MYO1D: variants seen among roughly 807,000 people sequenced by gnomAD.
The protein encoded by MYO1D is myosin ID, also known as unconventional myosin-Id.
MYO1D carries 83 observed loss-of-function variants against 122.0 expected under a neutral mutation model. The observed-to-expected ratio is 0.68, with a 90% confidence interval of 0.57 to 0.82. The LOEUF is 0.82. Among genes scored for constraint, MYO1D ranks in the 40% least tolerant of loss-of-function variants. MYO1D has a pLI of 0.00. For missense variants in MYO1D, 1,157 were observed against 1,269.5 expected, an observed-to-expected ratio of 0.91 and a Z score of 1.35; for synonymous variants, 464 against 446.9, an observed-to-expected ratio of 1.04 and a Z score of -0.48.
intron 1 of MYO1D, among the ~76,000 whole-genome samples, chr17:32,823,044 C>A (rs1310472476): frequency 2.0e-5 from 3 of 152,148 alleles, no homozygotes; most frequent in East Asian, 3.9e-4. Context: ...GTAAAATTAT[C>A]ATGGTAAATA....
chr17:32,540,427 C>T (rs1424849092), intron 21 of MYO1D, among the ~76,000 whole-genome samples: 4 of 150,284 alleles, frequency 2.7e-5, no homozygotes, highest in Admixed American at 6.6e-5. Flanking sequence ...ATCTAGACTA[C>T]ATAAAGAACT....
chr17:32,777,280 AAAG>A (rs2090182746), intron 3 of MYO1D, among the ~76,000 whole-genome samples: 1 of 152,216 alleles, frequency 6.6e-6, no homozygotes, highest in Non-Finnish European at 1.5e-5. Flanking sequence ...AATATGATGA[AAAG>A]AAGAAAGGCT....
intron 19 of MYO1D, among the ~76,000 whole-genome samples, chr17:32,653,141 CAA>C (rs565131074): frequency 9.0e-6 from 1 of 111,020 alleles, no homozygotes; most frequent in Admixed American, 9.4e-5. Flanking sequence ...GACTCCGTCT[CAA>C]AAAAAAAAAA....
intron 16 of MYO1D, among the ~76,000 whole-genome samples, chr17:32,678,278 T>C (rs2088853210): frequency 6.6e-6 from 1 of 151,846 alleles, no homozygotes; most frequent in South Asian, 2.1e-4. Flanking sequence ...TTTATTATAC[T>C]TTACGTTTTA....
At chr17:32,732,501 C>T (rs150121713) in intron 14 of MYO1D, among the ~76,000 whole-genome samples, 16 of 152,174 alleles carry the variant, frequency 1.1e-4, no homozygotes, top group East Asian at 1.9e-4. Context: ...GATGATGGGA[C>T]GACCTGCCTG....
chr17:32,857,584 CAAAA>C (rs563112277), intron 1 of MYO1D, among the ~76,000 whole-genome samples: 2 of 107,826 alleles, frequency 1.9e-5, no homozygotes, highest in Non-Finnish European at 3.9e-5. Flanking sequence ...GACTCCACCT[CAAAA>C]AAAAAAAAAA....
intron 16 of MYO1D, among the ~76,000 whole-genome samples, chr17:32,694,054 C>A (rs2089139008): frequency 6.6e-6 from 1 of 152,138 alleles, no homozygotes; most frequent in Non-Finnish European, 1.5e-5. Context: ...GTGACTTGTA[C>A]ATAGTAATGC....
intron 21 of MYO1D, among the ~76,000 whole-genome samples, chr17:32,567,849 T>C (rs1413997412): frequency 6.6e-6 from 1 of 152,202 alleles, no homozygotes; most frequent in Non-Finnish European, 1.5e-5. Context: ...ACGAGGCCAC[T>C]GCTACAGGTT....
At chr17:32,871,758 T>C (rs1305157707) in intron 1 of MYO1D, among the ~76,000 whole-genome samples, 1 of 151,956 alleles carries the variant, frequency 6.6e-6, no homozygotes, top group Non-Finnish European at 1.5e-5. Context: ...TGGCTGAGAG[T>C]GAGGAGTGTG....
chr17:32,506,228 C>T (rs1375822543), intron 21 of MYO1D, among the ~76,000 whole-genome samples: 2 of 152,144 alleles, frequency 1.3e-5, no homozygotes. Flanking sequence ...AACAGGTCAC[C>T]ATATAAGCAA....
At chr17:32,632,616 CACACACACACATAT>C (rs1567919922) in intron 20 of MYO1D, 5 of 149,474 alleles carry the variant, frequency 3.3e-5, no homozygotes, top group African/African-American at 1.0e-4. Context: ...CACACACACA[CACACACACACATAT>C]ATATATATAT....
chr17:32,640,325 TTTTTC>T (rs2088177925), intron 19 of MYO1D, among the ~76,000 whole-genome samples: 1 of 152,080 alleles, frequency 6.6e-6, no homozygotes, highest in Non-Finnish European at 1.5e-5. Context: ...TTTCTTTCTT[TTTTTC>T]TTTTATTATT....
chr17:32,603,761 G>A (rs1234198048), intron 21 of MYO1D, among the ~76,000 whole-genome samples: 1 of 151,926 alleles, frequency 6.6e-6, no homozygotes. Context: ...TGCTGACCTC[G>A]TGATCCGCCC....
At chr17:32,536,619 C>T (rs1237567244) in intron 21 of MYO1D, among the ~76,000 whole-genome samples, 1 of 152,038 alleles carries the variant, frequency 6.6e-6, no homozygotes, top group African/African-American at 2.4e-5. Context: ...AAAGACAACG[C>T]CAATTAATTA....
At chr17:32,777,962 G>T (rs2090194769) in intron 3 of MYO1D, among the ~76,000 whole-genome samples, 2 of 152,080 alleles carry the variant, frequency 1.3e-5, no homozygotes, top group South Asian at 2.1e-4. Flanking sequence ...AATGAATCTT[G>T]TTCAGAAATT....
chr17:32,668,710 T>C (rs539384048), intron 16 of MYO1D, among the ~76,000 whole-genome samples: 3 of 151,890 alleles, frequency 2.0e-5, no homozygotes, highest in African/African-American at 7.2e-5. Context: ...TTTTTCTTTT[T>C]TTTTTTTTTG....
intron 1 of MYO1D, among the ~76,000 whole-genome samples, chr17:32,782,905 A>G (rs963975978): frequency 6.7e-6 from 1 of 150,274 alleles, no homozygotes; most frequent in East Asian, 1.9e-4. Flanking sequence ...ACTGCACTGC[A>G]GCCTGGGCAG....
chr17:32,631,309 C>T (rs557448735), intron 20 of MYO1D, among the ~76,000 whole-genome samples: 1 of 152,204 alleles, frequency 6.6e-6, no homozygotes, highest in Admixed American at 6.5e-5. Flanking sequence ...AAATGTGAAC[C>T]TACACAGAAT....
intron 1 of MYO1D, among the ~76,000 whole-genome samples, chr17:32,848,584 G>A: frequency 6.6e-6 from 1 of 152,208 alleles, no homozygotes; most frequent in East Asian, 1.9e-4. Context: ...ATGTTACAGA[G>A]GCCATTAGTG....
Sources: allele counts gnomAD v4.1 joint callset (sites outside exome capture counted in the v4.1 genomes callset), GRCh38; gene constraint gnomAD v4.1.1; transcripts MANE v1.5; gene names NCBI Gene and HGNC (gene_info 2026-07-23, HGNC 2026-07-21).